The following USP3 variants were observed in gnomAD, a reference collection of about 807,000 sequenced individuals.
The protein encoded by USP3 is ubiquitin specific peptidase 3.
USP3 carries 20 observed loss-of-function variants against 72.3 expected under a neutral mutation model. The ratio of observed to expected loss-of-function variants is 0.28; its 90% CI spans 0.19 to 0.40. USP3 has a LOEUF of 0.40. Among genes scored for constraint, USP3 ranks in the 10% least tolerant of loss-of-function variants. USP3 has a pLI of 1.00. For missense variants in USP3, 479 were observed against 633.9 expected, an observed-to-expected ratio of 0.76 and a Z score of 2.62; for synonymous variants, 222 against 225.3, an observed-to-expected ratio of 0.99 and a Z score of 0.13.
intron 3 of USP3, among the ~76,000 whole-genome samples, chr15:63,538,518 A>G (rs1405273970): frequency 6.6e-6 from 1 of 151,972 alleles, no homozygotes; most frequent in Non-Finnish European, 1.5e-5. Flanking sequence ...AAAAGGAAGA[A>G]GAAAGGGTCA....
chr15:63,536,064 C>A (rs564442468), intron 2 of USP3, among the ~76,000 whole-genome samples: 4 of 152,080 alleles, frequency 2.6e-5, no homozygotes. Flanking sequence ...GCATATGGAG[C>A]CTTATTTCAG....
intron 8 of USP3, among the ~76,000 whole-genome samples, chr15:63,567,003 C>A (rs1018404732): frequency 7.2e-5 from 11 of 152,152 alleles, no homozygotes; most frequent in African/African-American, 2.4e-4. Flanking sequence ...ATATCTCTTT[C>A]TACATACAAT....
rs1197217914 is a variant in USP3 at position 63,588,973 on chromosome 15, G to A, written c.1359G>A (p.Leu453=). The A allele has an allele frequency of 1.2e-6, 2 of 1,614,032 alleles. No individual in the cohort carries two copies. Among genetic ancestry groups the A allele is most frequent in the Admixed American group, 3.3e-5 (2 of 60,026 alleles). ...EPENSGPESC[L]YDLAAVVVHH... The stretch of plus-strand genomic sequence containing the variant: ...AGAACAGTGGCCCGGAGAGCTGCCT[G>A]TATGACCTCGCCGCTGTGGTGGTGC... Residue 453 remains leucine, a synonymous_variant, in exon 14 of 15, where the codon CTG becomes CTA. Coordinates refer to ENST00000380324, the MANE Select transcript of USP3 (RefSeq NM_006537.4). This position sits in a 1 kb window ranked among gnomAD's most constrained non-coding sequence, Gnocchi z 4.6.
In USP3 at chr15:63,553,470, A is replaced by G. The variant is rs1482652343; in HGVS notation, c.285-245A>G. On this transcript the variant is annotated intron_variant, in intron 3 of 14. Transcript: ENST00000380324. The surrounding 1 kb of genome is among the most constrained non-coding windows in gnomAD (Gnocchi z 4.2). ...TAGCAGCTTATTTCATTTTCAAAGG[A>G]GGAATTGAAGAGCTTTTGAGTAAAA... 17 of 331,470 alleles carry G rather than the reference A, an allele frequency of 5.1e-5. No individual in the cohort carries two copies. The East Asian group carries it at 8.6e-4, about 17-fold the overall frequency. The allele number at this position is 331,470 out of a possible 1,614,324, so 20.5% of individuals were successfully genotyped here. A position where few individuals can be genotyped will look rare whatever the true frequency, so the allele number is the denominator to read the frequency against.
intron 5 of USP3, 143 bp downstream of exon 5, chr15:63,556,891 C>T: frequency 1.6e-6 from 1 of 641,708 alleles, no homozygotes; most frequent in Non-Finnish European, 2.7e-6. Context: ...CAATGTTTGC[C>T]ACCTGTACTG....
At chr15:63,550,458 CTT>C (rs1335905890) in intron 3 of USP3, among the ~76,000 whole-genome samples, 1 of 152,168 alleles carries the variant, frequency 6.6e-6, no homozygotes, top group Non-Finnish European at 1.5e-5. Context: ...TGGAAACTGA[CTT>C]TTTTATATCT....
chr15:63,550,265 A>G (rs1231485214), intron 3 of USP3, among the ~76,000 whole-genome samples: 1 of 152,200 alleles, frequency 6.6e-6, no homozygotes, highest in African/African-American at 2.4e-5. Flanking sequence ...TGATCCACCC[A>G]GCTCGGCCTC....
At chr15:63,523,197 GA>G (rs1448177790) in intron 1 of USP3, among the ~76,000 whole-genome samples, 2 of 152,098 alleles carry the variant, frequency 1.3e-5, no homozygotes, top group African/African-American at 4.8e-5. Context: ...GATTTTGAGG[GA>G]ATGGAACTGA....
rs537288313 is a variant in USP3, at chr15:63,570,022, A to G, written c.762-411A>G. 2.0e-5 allele frequency among the ~76,000 whole-genome samples: 3 copies of G among 152,288 alleles called. No individual in the cohort carries two copies. Among genetic ancestry groups the G allele is most frequent in the East Asian group, 3.9e-4 (2 of 5,182 alleles). Reference sequence around the variant, plus strand: ...TCTAGTGAGGGTAAGAGGTGAAGCTATGACATTGGAGCATCTTCTAGAGAG... The same window carrying G: ...TCTAGTGAGGGTAAGAGGTGAAGCTGTGACATTGGAGCATCTTCTAGAGAG... On this transcript the variant is annotated intron_variant, in intron 8 of 14. Coordinates refer to ENST00000380324, the MANE Select transcript of USP3 (RefSeq NM_006537.4). The surrounding 1 kb of genome is among the most constrained non-coding windows in gnomAD (Gnocchi z 4.4).
intron 1 of USP3, among the ~76,000 whole-genome samples, chr15:63,523,367 A>G (rs2065942838): frequency 6.6e-6 from 1 of 152,242 alleles, no homozygotes; most frequent in Non-Finnish European, 1.5e-5. Context: ...GCGTAAGGTC[A>G]TAGAATAAAA....
intron 11 of USP3, among the ~76,000 whole-genome samples, chr15:63,576,639 T>C (rs1185247150): frequency 6.6e-6 from 1 of 152,204 alleles, no homozygotes; most frequent in East Asian, 1.9e-4. Flanking sequence ...CACAGAATCC[T>C]TGAAATCTGA....
chr15:63,546,782 G>A (rs574264398), intron 3 of USP3, among the ~76,000 whole-genome samples: 3 of 152,068 alleles, frequency 2.0e-5, no homozygotes, highest in East Asian at 3.9e-4. Flanking sequence ...TGGGTGGGGG[G>A]TATTTTTAGT....
rs1567102061 is a variant in USP3 at position 63,537,226 on chromosome 15, T to G, written c.284+70T>G. On this transcript the variant is annotated intron_variant, in intron 3 of 14. Transcript: ENST00000380324. ...GTGTGCTCTCCTCCCCTCCCTTCCCTCAGTCTCTAAGCCAGTTACTACTGC... is the reference window on the plus strand; with the variant it reads ...GTGTGCTCTCCTCCCCTCCCTTCCCGCAGTCTCTAAGCCAGTTACTACTGC... 17 of 1,529,892 alleles carry G rather than the reference T, an allele frequency of 1.1e-5. No homozygotes were observed. In the South Asian group the frequency reaches 1.8e-4, roughly 16 times the overall value. The allele number at this position is 1,529,892 out of a possible 1,614,324, so 94.8% of individuals were successfully genotyped here.
intron 1 of USP3, among the ~76,000 whole-genome samples, chr15:63,526,934 G>A (rs576418055): frequency 6.6e-5 from 10 of 152,080 alleles, no homozygotes; most frequent in Non-Finnish European, 2.9e-5. Flanking sequence ...TTGCTTTGTC[G>A]CCCAGACTGG....
chr15:63,584,485 A>T (rs2067022727), intron 11 of USP3, among the ~76,000 whole-genome samples: 2 of 152,216 alleles, frequency 1.3e-5, no homozygotes, highest in Non-Finnish European at 2.9e-5. Flanking sequence ...CCATCCTAGT[A>T]ACTGTGAAGT....
chr15:63,582,296 C>G (rs1156441025), intron 11 of USP3, among the ~76,000 whole-genome samples: 1 of 152,114 alleles, frequency 6.6e-6, no homozygotes, highest in Non-Finnish European at 1.5e-5. Context: ...TTGTTCTCTA[C>G]TAATCCAACT....
At chr15:63,568,612 A>T (rs2152677082) in intron 8 of USP3, among the ~76,000 whole-genome samples, 1 of 152,372 alleles carries the variant, frequency 6.6e-6, no homozygotes, top group South Asian at 2.1e-4. Flanking sequence ...AAGCCCAGTC[A>T]TACAACTAGA....
At chr15:63,511,254 C>A (rs1328078484) in intron 1 of USP3, among the ~76,000 whole-genome samples, 102 of 3,928 alleles carry the variant, frequency 0.026, 2 homozygotes, top group African/African-American at 0.034. Flanking sequence ...AGACTTTTAG[C>A]TTGCTTTTTC....
chr15:63,533,779 CTGTTGTGGT>C, intron 2 of USP3: 1 of 1,020,800 alleles, frequency 9.8e-7, no homozygotes, highest in South Asian at 1.5e-5. Flanking sequence ...TTAATTGTGG[CTGTTGTGGT>C]TTTGAAATCT....
Sources: gnomAD v4.1 joint callset for allele counts (sites outside exome capture counted in the v4.1 genomes callset) on GRCh38, gnomAD v4.1.1 for gene constraint, Gnocchi (gnomAD v3.1) non-coding constraint, MANE v1.5 for transcripts, NCBI Gene and HGNC (gene_info 2026-07-23, HGNC 2026-07-21) for gene names.